GAS2L3: variants seen among roughly 807,000 people sequenced by gnomAD.
GAS2L3 encodes GAS2-like protein 3.
A neutral mutation model predicts 37.0 loss-of-function variants in GAS2L3; 28 were observed. The observed-to-expected ratio is 0.76, with a 90% CI of 0.56 to 1.04. The LOEUF (loss-of-function observed/expected upper bound fraction) is 1.04. Ranked by LOEUF, GAS2L3 falls within the 50% of genes least tolerant of loss-of-function variation. The pLI, the probability that GAS2L3 is intolerant of heterozygous loss-of-function variation, is 0.00. For missense variants in GAS2L3, 793 were observed against 817.6 expected (o/e 0.97, Z 0.37); for synonymous variants, 290 against 296.6 (o/e 0.98, Z 0.23).
chr12:100,583,943 AAG>A (rs1283043238), intron 1 of GAS2L3, among the ~76,000 whole-genome samples: 3 of 152,188 alleles, frequency 2.0e-5, no homozygotes, highest in African/African-American at 7.2e-5. Context: ...GATATCAAAA[AAG>A]GTCCCCCGGC....
At chr12:100,600,268 T>G in intron 3 of GAS2L3, 114 bp from the exon 4 acceptor site, 1 of 672,402 alleles carries the variant, frequency 1.5e-6, no homozygotes, top group Non-Finnish European at 2.5e-6. Flanking sequence ...AGCAGCTTTT[T>G]ATATGTGTCT....
chr12:100,599,712 T>C (rs908633792), intron 3 of GAS2L3, among the ~76,000 whole-genome samples: 1 of 152,220 alleles, frequency 6.6e-6, no homozygotes, highest in African/African-American at 2.4e-5. Context: ...TCTGCTAGGC[T>C]CAATGCCAGA....
At chr12:100,600,180 C>T (rs756752707) in intron 3 of GAS2L3, among the ~76,000 whole-genome samples, 5 of 152,110 alleles carry the variant, frequency 3.3e-5, no homozygotes, top group Admixed American at 2.0e-4. Flanking sequence ...GAACCATAAT[C>T]GCATCACTGC....
chr12:100,595,160 G>T (rs967266034), intron 3 of GAS2L3, among the ~76,000 whole-genome samples: 5 of 151,718 alleles, frequency 3.3e-5, no homozygotes, highest in Non-Finnish European at 7.4e-5. Context: ...TCTCTTCTCA[G>T]CCTTTTGGCT....
intron 3 of GAS2L3, among the ~76,000 whole-genome samples, chr12:100,598,849 C>T (rs1565803853): frequency 6.6e-6 from 1 of 152,170 alleles, no homozygotes; most frequent in South Asian, 2.1e-4. Flanking sequence ...TTACTTCTCT[C>T]ATTCCATATT....
At chr12:100,622,026 C>T (rs747924104) in intron 8 of GAS2L3, among the ~76,000 whole-genome samples, 5 of 152,032 alleles carry the variant, frequency 3.3e-5, no homozygotes, top group Non-Finnish European at 7.4e-5. Flanking sequence ...AGTTTAACCT[C>T]TCTTTGGTAA....
At position 100,603,595 on chromosome 12, in the gene GAS2L3, C is replaced by T. The variant is rs1044728895; in HGVS notation, c.303+1842C>T. ...TTCTCCCATTCTTTGGGTTGCTCTT[C>T]AAGGTGTTGTTTCCTTTACTGTGCA... On this transcript the variant is annotated intron_variant, in intron 5 of 9. Transcript: ENST00000547754. 5.3e-5 allele frequency among the ~76,000 whole-genome samples: 8 copies of T among 151,768 alleles called. 1 individual carries two copies. The highest frequency in any genetic ancestry group is 4.6e-4 in the Admixed American group (7 of 15,208).
intron 3 of GAS2L3, among the ~76,000 whole-genome samples, chr12:100,598,422 T>C (rs184221188): frequency 1.2e-3 from 180 of 152,304 alleles, no homozygotes; most frequent in Admixed American, 3.5e-3. Flanking sequence ...GTTATGCATC[T>C]TGGGCAGGAA....
intron 1 of GAS2L3, among the ~76,000 whole-genome samples, chr12:100,587,051 C>G (rs192634415): frequency 6.6e-6 from 1 of 152,074 alleles, no homozygotes; most frequent in African/African-American, 2.4e-5. Context: ...CTGAACAGAC[C>G]AGTAACAAAC....
chr12:100,601,619 C>T lies in GAS2L3; in HGVS notation c.188-19C>T. ...TTTTATGTTTCTAGAAGATTCTTAA[C>T]TTTGAAATATGTTTTTAGGTATTAA... On this transcript the variant is annotated intron_variant, in intron 4 of 9. Coordinates refer to ENST00000547754, the MANE Select transcript of GAS2L3 (RefSeq NM_174942.3). 1 of 1,070,298 alleles carries T rather than the reference C, an allele frequency of 9.3e-7. No homozygotes were observed. The highest frequency in any genetic ancestry group is 1.5e-6 in the Non-Finnish European group (1 of 688,302). The allele number at this position is 1,070,298 out of a possible 1,614,324, so 66.3% of individuals were successfully genotyped here.
chr12:100,591,141 A>T (rs951585325), intron 1 of GAS2L3, among the ~76,000 whole-genome samples: 1 of 152,220 alleles, frequency 6.6e-6, no homozygotes, highest in Non-Finnish European at 1.5e-5. Context: ...TGCTATTTTC[A>T]GTCTTCTCAA....
intron 5 of GAS2L3, among the ~76,000 whole-genome samples, chr12:100,603,329 G>A (rs1169240721): frequency 6.6e-6 from 1 of 152,106 alleles, no homozygotes; most frequent in Non-Finnish European, 1.5e-5. Flanking sequence ...TTGGATAAAA[G>A]CCATTTTAAT....
intron 1 of GAS2L3, among the ~76,000 whole-genome samples, chr12:100,581,171 G>A (rs1423709634): frequency 2.6e-5 from 4 of 152,182 alleles, no homozygotes; most frequent in African/African-American, 9.6e-5. Context: ...CTGCTACCCT[G>A]TCCTTTTAAT....
intron 5 of GAS2L3, among the ~76,000 whole-genome samples, chr12:100,602,526 G>T (rs1956004460): frequency 1.3e-5 from 2 of 151,602 alleles, no homozygotes; most frequent in South Asian, 4.2e-4. Context: ...TACATACTAG[G>T]TATATATATT....
At chr12:100,599,142 A>G (rs945901376) in intron 3 of GAS2L3, among the ~76,000 whole-genome samples, 8 of 152,066 alleles carry the variant, frequency 5.3e-5, no homozygotes, top group Admixed American at 3.3e-4. Flanking sequence ...GGAATCTCCT[A>G]TGCGTTTCTC....
At chr12:100,581,964 G>A (rs35703) in intron 1 of GAS2L3, among the ~76,000 whole-genome samples, 85,193 of 151,994 alleles carry the variant, frequency 0.56, 24,967 homozygotes, top group East Asian at 0.72. Context: ...TTATTTTTTT[G>A]AACAAGTGGA....
chr12:100,613,415 A>G (rs1956149677), intron 6 of GAS2L3, among the ~76,000 whole-genome samples: 1 of 152,212 alleles, frequency 6.6e-6, no homozygotes, highest in African/African-American at 2.4e-5. Context: ...CAAATATACT[A>G]TTTTAAGGAA....
chr12:100,574,252 T>C (rs895127449), intron 1 of GAS2L3, among the ~76,000 whole-genome samples: 1 of 152,166 alleles, frequency 6.6e-6, no homozygotes, highest in African/African-American at 2.4e-5. Context: ...TCGGAAAGAA[T>C]TGATGAAGTC....
In GAS2L3 at chr12:100,591,737, T is replaced by C. The variant is rs1160036961; in HGVS notation, c.-150T>C. The C allele has an allele frequency of 1.3e-5, 2 of 152,102 alleles. No homozygotes were observed. Among genetic ancestry groups the C allele is most frequent in the African/African-American group, 4.8e-5 (2 of 41,406 alleles). 9.4% of individuals were successfully genotyped at this position (152,102 alleles called of 1,614,324 possible). On this transcript the variant is annotated splice_region_variant and 5_prime_UTR_variant, in exon 2 of 10. Coordinates refer to ENST00000547754, the MANE Select transcript of GAS2L3 (RefSeq NM_174942.3). ...AAATGGTCATATTTCATTTTACAGA[T>C]CAGAACACTGAGGCTCAGAGAAGTT...
Sources: allele counts gnomAD v4.1 joint callset (sites outside exome capture counted in the v4.1 genomes callset), GRCh38; gene constraint gnomAD v4.1.1; transcripts MANE v1.5; gene names NCBI Gene and HGNC (gene_info 2026-07-23, HGNC 2026-07-21).